The following TNFSF4 variants were observed in gnomAD, a reference collection of about 807,000 sequenced individuals.
TNFSF4 encodes TNF superfamily member 4.
Under a neutral mutation model 7.3 loss-of-function variants are expected in TNFSF4, and 4 were observed. The ratio of observed to expected loss-of-function variants is 0.55; its 90% CI spans 0.27 to 1.25. TNFSF4 has a LOEUF of 1.25. TNFSF4 is among the 50% of genes most tolerant of loss of function. TNFSF4 has a pLI of 0.12. For missense variants in TNFSF4, 181 were observed against 208.8 expected (o/e 0.87, Z 0.82); for synonymous variants, 76 against 83.7 (o/e 0.91, Z 0.50).
the TNFSF4 span, among the ~76,000 whole-genome samples, chr1:173,230,330 C>CT: frequency 1.3e-5 from 2 of 152,224 alleles, no homozygotes; most frequent in Admixed American, 6.5e-5. Context: ...TGAATGACTA[C>CT]TGGGTACATA....
At chr1:173,355,802 T>C in the TNFSF4 span, among the ~76,000 whole-genome samples, 2 of 152,242 alleles carry the variant, frequency 1.3e-5, no homozygotes, top group Non-Finnish European at 2.9e-5. Context: ...CATGCAGTTA[T>C]ATTCCAGAGC....
At chr1:173,174,483 A>C in the TNFSF4 span, 1 of 152,214 alleles carries the variant, frequency 6.6e-6, no homozygotes, top group Non-Finnish European at 1.5e-5. Context: ...GGTAATTTAT[A>C]GAGGAAAGAG....
At chr1:173,404,383 G>A in the TNFSF4 span, among the ~76,000 whole-genome samples, 24 of 152,316 alleles carry the variant, frequency 1.6e-4, no homozygotes, top group African/African-American at 5.8e-4. Flanking sequence ...GCAGCCTACT[G>A]CAGAGAGGGA....
chr1:173,222,263 A>T, the TNFSF4 span, among the ~76,000 whole-genome samples: 1 of 152,184 alleles, frequency 6.6e-6, no homozygotes, highest in African/African-American at 2.4e-5. Flanking sequence ...ACTAAATGAA[A>T]CCTAAAATAA....
chr1:173,369,343 A>C, the TNFSF4 span, among the ~76,000 whole-genome samples: 1 of 152,142 alleles, frequency 6.6e-6, no homozygotes, highest in African/African-American at 2.4e-5. Context: ...ACTAAATCTG[A>C]CTTTTCTTGG....
At chr1:173,190,132 C>T (rs903746975) in intron 1 of TNFSF4, among the ~76,000 whole-genome samples, 8 of 152,060 alleles carry the variant, frequency 5.3e-5, no homozygotes, top group Admixed American at 5.2e-4. Flanking sequence ...AGGAGAATCA[C>T]TGAAACCTGG....
chr1:173,229,162 G>A, the TNFSF4 span, among the ~76,000 whole-genome samples: 1 of 152,182 alleles, frequency 6.6e-6, no homozygotes, highest in Non-Finnish European at 1.5e-5. Context: ...AGGAAAAAAT[G>A]TTAAGGGCAG....
chr1:173,363,101 C>CAA, the TNFSF4 span: 32,421 of 339,732 alleles, frequency 0.095, 1,960 homozygotes, highest in East Asian at 0.26. Flanking sequence ...TGTTCTTCTT[C>CAA]AGAGTTTTGC....
chr1:173,300,129 AGATAGAT>A, the TNFSF4 span, among the ~76,000 whole-genome samples: 1 of 130,050 alleles, frequency 7.7e-6, no homozygotes, highest in African/African-American at 2.8e-5. Flanking sequence ...ATAGATAGAT[AGATAGAT>A]AGATAATAAA....
At chr1:173,315,138 T>C in the TNFSF4 span, among the ~76,000 whole-genome samples, 3 of 152,190 alleles carry the variant, frequency 2.0e-5, no homozygotes, top group African/African-American at 4.8e-5. Flanking sequence ...CTAAGTCTTC[T>C]CTGTGCTCTT....
chr1:173,268,598 A>C, the TNFSF4 span, among the ~76,000 whole-genome samples: 2 of 152,150 alleles, frequency 1.3e-5, no homozygotes, highest in Non-Finnish European at 2.9e-5. Context: ...AAGTTACCCA[A>C]AGGAAGCCAA....
At chr1:173,330,067 C>T in the TNFSF4 span, among the ~76,000 whole-genome samples, 3 of 152,016 alleles carry the variant, frequency 2.0e-5, no homozygotes, top group Admixed American at 2.0e-4. Context: ...CTGGTACTTT[C>T]AAAAATAAAA....
At chr1:173,291,397 G>C in the TNFSF4 span, among the ~76,000 whole-genome samples, 4 of 152,008 alleles carry the variant, frequency 2.6e-5, no homozygotes, top group African/African-American at 9.7e-5. Flanking sequence ...GATATGGGCA[G>C]GGCCACATAT....
the TNFSF4 span, among the ~76,000 whole-genome samples, chr1:173,406,308 T>G: frequency 6.6e-6 from 1 of 152,226 alleles, no homozygotes; most frequent in African/African-American, 2.4e-5. Flanking sequence ...TAATTATTAT[T>G]TACTGTACTC....
the TNFSF4 span, among the ~76,000 whole-genome samples, chr1:173,279,573 T>A: frequency 1.3e-5 from 2 of 152,088 alleles, no homozygotes; most frequent in African/African-American, 4.8e-5. Context: ...ACTCACCATG[T>A]CTTCATCATT....
chr1:173,448,229 C>G, the TNFSF4 span, among the ~76,000 whole-genome samples: 1 of 152,178 alleles, frequency 6.6e-6, no homozygotes, highest in Non-Finnish European at 1.5e-5. Flanking sequence ...TCAGTACCAA[C>G]AGATGAGACC....
chr1:173,173,474 T>C, the TNFSF4 span, among the ~76,000 whole-genome samples: 2 of 152,158 alleles, frequency 1.3e-5, no homozygotes, highest in Non-Finnish European at 2.9e-5. Context: ...ACAGTCTCCT[T>C]GTAATAGGGC....
In TNFSF4 at chr1:173,188,559, C is replaced by T. The variant is rs147675528; in HGVS notation, c.164G>A (p.Arg55Gln). ...TTTGATACTTTGAATTCGAGGATAC[C>T]GATGTGATACCTGAGGGAGGAAGAA... Reference protein sequence around the residue: ...LHFSALQVSHRYPRIQSIKVQ... With the variant: ...LHFSALQVSHQYPRIQSIKVQ... The change falls in exon 2 of 3, where the codon CGG becomes CAG. Residue 55 changes from arginine to glutamine, a missense_variant. Coordinates refer to ENST00000281834, the MANE Select transcript of TNFSF4 (RefSeq NM_003326.5). 11 of 1,611,590 alleles carry T rather than the reference C, an allele frequency of 6.8e-6. No individual in the cohort carries two copies. Among genetic ancestry groups the T allele is most frequent in the Admixed American group, 6.7e-5 (4 of 59,894 alleles).
the TNFSF4 span, among the ~76,000 whole-genome samples, chr1:173,413,659 C>T: frequency 6.6e-6 from 1 of 152,184 alleles, no homozygotes; most frequent in South Asian, 2.1e-4. Context: ...AGCAGCATAG[C>T]CCTGCAGTCC....
Sources: allele counts gnomAD v4.1 joint callset (sites outside exome capture counted in the v4.1 genomes callset), GRCh38; gene constraint gnomAD v4.1.1; transcripts MANE v1.5; gene names NCBI Gene and HGNC (gene_info 2026-07-23, HGNC 2026-07-21).